Variants in ODR4 observed in about 807,000 individuals in gnomAD.
ODR4 encodes protein odr-4 homolog.
ODR4 carries 47 observed loss-of-function variants against 60.2 expected under a neutral mutation model. The observed-to-expected ratio is 0.78, with a 90% confidence interval of 0.62 to 1.00. ODR4 has a LOEUF of 1.00. ODR4 is among the 50% of genes least tolerant of loss of function. The pLI is 0.00. For missense variants in ODR4, 488 were observed against 530.8 expected (o/e 0.92, Z 0.79); for synonymous variants, 178 against 175.5 (o/e 1.01, Z -0.11).
rs772163648 is a variant in ODR4, at chr1:186,417,565, A to G, written c.1208A>G (p.Asn403Ser). ...TCAGCTTGTATGAGTTCTTCTATGA[A>G]TAGTCAAGCTTCATTGGACAACACA... Reference protein sequence around the residue: ...TNTACMSSSMNSQASLDNTDD... With the variant: ...TNTACMSSSMSSQASLDNTDD... The change falls in exon 13 of 14, where the codon AAT becomes AGT. Residue 403 changes from asparagine to serine, a missense_variant. By Grantham distance (46) the Asn-to-Ser change is conservative. Coordinates refer to ENST00000287859, the MANE Select transcript of ODR4 (RefSeq NM_017847.6). The G allele has an allele frequency of 6.3e-7, 1 of 1,591,680 alleles. No individual in the cohort carries two copies. Among genetic ancestry groups the G allele is most frequent in the Non-Finnish European group, 8.6e-7 (1 of 1,165,632 alleles).
At chr1:186,428,555 C>A in the ODR4 span, among the ~76,000 whole-genome samples, 1 of 152,198 alleles carries the variant, frequency 6.6e-6, no homozygotes. Flanking sequence ...ACTGGAGTAG[C>A]ACTTTTAATT....
chr1:186,379,663 T>C, intron 1 of ODR4, 104 bp from the exon 2 acceptor site: 1 of 598,056 alleles, frequency 1.7e-6, no homozygotes, highest in Non-Finnish European at 2.9e-6. Flanking sequence ...AGGCATGAGA[T>C]AGCCTCAGGA....
intron 9 of ODR4, among the ~76,000 whole-genome samples, chr1:186,395,012 A>G (rs907336078): frequency 2.0e-5 from 3 of 152,238 alleles, no homozygotes; most frequent in African/African-American, 7.2e-5. Context: ...GTAGTATAAA[A>G]TTGTAGTTGG....
chr1:186,415,400 G>A (rs1661526051), intron 12 of ODR4, among the ~76,000 whole-genome samples: 1 of 152,096 alleles, frequency 6.6e-6, no homozygotes, highest in African/African-American at 2.4e-5. Flanking sequence ...TCAACAATAG[G>A]CTATTTTACT....
At chr1:186,409,839 C>T (rs1350965199) in intron 12 of ODR4, among the ~76,000 whole-genome samples, 1 of 152,142 alleles carries the variant, frequency 6.6e-6, no homozygotes, top group East Asian at 1.9e-4. Flanking sequence ...TCACCAAGGC[C>T]AGCCAATAGA....
intron 1 of ODR4, among the ~76,000 whole-genome samples, chr1:186,378,623 A>T (rs975692523): frequency 1.3e-5 from 2 of 152,222 alleles, no homozygotes; most frequent in Non-Finnish European, 2.9e-5. Context: ...ACGATTCCTC[A>T]TTATGAGCGT....
chr1:186,408,125 T>A (rs1219243391), intron 12 of ODR4, among the ~76,000 whole-genome samples: 1 of 152,104 alleles, frequency 6.6e-6, no homozygotes, highest in Non-Finnish European at 1.5e-5. Flanking sequence ...GTGATGTAAA[T>A]AACATTATTA....
intron 12 of ODR4, among the ~76,000 whole-genome samples, chr1:186,416,559 C>T (rs1287933643): frequency 6.6e-6 from 1 of 152,150 alleles, no homozygotes; most frequent in Non-Finnish European, 1.5e-5. Flanking sequence ...GTAGTCCCAG[C>T]TACTCGGGAG....
chr1:186,421,536 T>C (rs1396926240), downstream of ODR4, among the ~76,000 whole-genome samples: 1 of 152,078 alleles, frequency 6.6e-6, no homozygotes, highest in Non-Finnish European at 1.5e-5. Context: ...AATAAATATG[T>C]GTAGTCAAGA....
intron 8 of ODR4, 108 bp downstream of exon 8, chr1:186,391,899 C>G (rs1219685686): frequency 4.4e-6 from 3 of 679,770 alleles, no homozygotes; most frequent in Non-Finnish European, 7.5e-6. Flanking sequence ...ATCTACCTCT[C>G]ATTTCTGATT....
intron 12 of ODR4, among the ~76,000 whole-genome samples, chr1:186,408,357 C>T (rs147321694): frequency 1.5e-3 from 224 of 151,996 alleles, no homozygotes; most frequent in East Asian, 2.7e-3. Context: ...TTTAGCCTGG[C>T]GTTCTTCATT....
intron 11 of ODR4, among the ~76,000 whole-genome samples, chr1:186,404,666 C>A (rs935271970): frequency 2.0e-5 from 3 of 152,126 alleles, no homozygotes; most frequent in African/African-American, 7.2e-5. Context: ...AATTTCTCTC[C>A]CAGTTCTCAT....
At chr1:186,416,526 G>A (rs184359291) in intron 12 of ODR4, among the ~76,000 whole-genome samples, 1 of 152,178 alleles carries the variant, frequency 6.6e-6, no homozygotes, top group African/African-American at 2.4e-5. Flanking sequence ...ACAAAAGTTA[G>A]TCGGGCATAG....
chr1:186,419,156 C>G lies in ODR4; in HGVS notation c.*80C>G. 7.8e-7 allele frequency: 1 copy of G among 1,282,606 alleles called. No individual in the cohort carries two copies. The highest frequency in any genetic ancestry group is 1.3e-5 in the South Asian group (1 of 78,724). The allele number at this position is 1,282,606 out of a possible 1,614,324, so 79.5% of individuals were successfully genotyped here. On this transcript the variant is annotated 3_prime_UTR_variant, in exon 14 of 14. Transcript: ENST00000287859. ...AATAATAAAGATGTTAACAATCCAT[C>G]TGTATTTAAAACACTAGCAGCCAGA... is the stretch of plus-strand genomic sequence containing the variant.
At chr1:186,382,366 A>T (rs546932618) in intron 2 of ODR4, among the ~76,000 whole-genome samples, 5 of 151,902 alleles carry the variant, frequency 3.3e-5, no homozygotes, top group Non-Finnish European at 7.4e-5. Flanking sequence ...GCAAGGTTGC[A>T]GTGAGCTATG....
intron 12 of ODR4, among the ~76,000 whole-genome samples, chr1:186,406,823 A>T (rs1661193205): frequency 6.6e-6 from 1 of 151,832 alleles, no homozygotes. Flanking sequence ...TTCCCTAGCC[A>T]TCACTTTCAC....
chr1:186,395,381 C>G (rs1436744908), intron 9 of ODR4, among the ~76,000 whole-genome samples: 1 of 152,098 alleles, frequency 6.6e-6, no homozygotes, highest in Non-Finnish European at 1.5e-5. Flanking sequence ...GCGTGAGCCA[C>G]CGCGCCTGGC....
intron 11 of ODR4, among the ~76,000 whole-genome samples, chr1:186,404,266 C>T (rs995355788): frequency 2.0e-5 from 3 of 152,108 alleles, no homozygotes; most frequent in Non-Finnish European, 2.9e-5. Context: ...ATTTCTCCTC[C>T]CATTTAAACC....
At chr1:186,394,075 CTGTTTT>C (rs1430284684) in intron 9 of ODR4, 60 bp downstream of exon 9, 1 of 993,216 alleles carries the variant, frequency 1.0e-6, no homozygotes, top group Non-Finnish European at 1.5e-6. Flanking sequence ...GAAACTGTTT[CTGTTTT>C]TATTTTTCTC....
Sources: allele counts gnomAD v4.1 joint callset (sites outside exome capture counted in the v4.1 genomes callset), GRCh38; gene constraint gnomAD v4.1.1; transcripts MANE v1.5; gene names NCBI Gene and HGNC (gene_info 2026-07-23, HGNC 2026-07-21).